The following PCDHA4 variants were observed in gnomAD, a reference collection of about 807,000 sequenced individuals.
The protein encoded by PCDHA4 is protocadherin alpha-4.
A neutral mutation model predicts 61.4 loss-of-function variants in PCDHA4; 49 were observed. The ratio of observed to expected loss-of-function variants is 0.80; its 90% CI spans 0.63 to 1.01. PCDHA4 has a LOEUF of 1.01. Among genes scored for constraint, PCDHA4 ranks in the 50% least tolerant of loss-of-function variants. The probability of loss-of-function intolerance (pLI) is 0.00; values close to 1 mark genes in which losing one functional copy is unlikely to be tolerated. For missense variants in PCDHA4, 1,254 were observed against 1,235.8 expected (o/e 1.01, Z -0.22); for synonymous variants, 590 against 550.3 (o/e 1.07, Z -1.01).
At chr5:140,850,244 G>A (rs2150475347) in intron 1 of PCDHA4, 2 of 1,593,676 alleles carry the variant, frequency 1.3e-6, no homozygotes, top group East Asian at 2.2e-5. Flanking sequence ...TGGTGCTGCG[G>A]TCGGTGGGCG....
chr5:140,904,857 T>G (rs1223482596), intron 1 of PCDHA4, among the ~76,000 whole-genome samples: 1 of 152,190 alleles, frequency 6.6e-6, no homozygotes, highest in Non-Finnish European at 1.5e-5. Context: ...CTGAGAATTG[T>G]CTGTTTATGT....
intron 1 of PCDHA4, chr5:140,882,198 G>C (rs964999330): frequency 2.0e-6 from 3 of 1,525,466 alleles, no homozygotes; most frequent in African/African-American, 2.8e-5. Context: ...ATAAAAATTG[G>C]GCCTTGAGAG....
chr5:140,899,550 A>C (rs932403675), intron 1 of PCDHA4, among the ~76,000 whole-genome samples: 1 of 152,176 alleles, frequency 6.6e-6, no homozygotes, highest in Admixed American at 6.5e-5. Flanking sequence ...ATGGTGGATA[A>C]GCTTTTTGAT....
At chr5:140,968,017 C>A in intron 1 of PCDHA4, 1 of 1,614,216 alleles carries the variant, frequency 6.2e-7, no homozygotes, top group South Asian at 1.1e-5. Flanking sequence ...GCTTTGGAAA[C>A]TCCTATACAC....
chr5:140,984,389 A>T (rs1346769556), intron 3 of PCDHA4, among the ~76,000 whole-genome samples: 2 of 152,208 alleles, frequency 1.3e-5, no homozygotes, highest in African/African-American at 4.8e-5. Flanking sequence ...AGATTCAAAA[A>T]ATGTTGAGAA....
intron 1 of PCDHA4, among the ~76,000 whole-genome samples, chr5:140,915,719 T>A (rs545655335): frequency 6.6e-6 from 1 of 151,956 alleles, no homozygotes; most frequent in African/African-American, 2.4e-5. Flanking sequence ...GCCCCCACTT[T>A]GGATTGTGCT....
chr5:140,948,602 A>G (rs537329393), intron 1 of PCDHA4, among the ~76,000 whole-genome samples: 2 of 151,590 alleles, frequency 1.3e-5, no homozygotes, highest in Non-Finnish European at 3.0e-5. Context: ...AATTTATCAT[A>G]TTTTTGGCAC....
chr5:140,963,600 G>T (rs111244023), intron 1 of PCDHA4, among the ~76,000 whole-genome samples: 1 of 152,180 alleles, frequency 6.6e-6, no homozygotes, highest in Non-Finnish European at 1.5e-5. Context: ...AGTTCTAGAC[G>T]TAATTGGGAA....
At position 140,857,848 on chromosome 5, in the gene PCDHA4, T is replaced by C. The variant is rs781886791; in HGVS notation, c.2385+48276T>C. The C allele has an allele frequency of 1.4e-5, 23 of 1,597,666 alleles. No homozygotes were observed. The highest frequency in any genetic ancestry group is 1.9e-5 in the Non-Finnish European group (22 of 1,167,550). The stretch of plus-strand genomic sequence containing the variant: ...AGGTGCGCGCAGTGGACGCTGACTC[T>C]GGATACAACGCGTGGCTGTCGTATG... On this transcript the variant is annotated intron_variant, in intron 1 of 3. Coordinates refer to ENST00000530339, the MANE Select transcript of PCDHA4 (RefSeq NM_018907.4).
At chr5:140,939,894 T>A (rs1554213013) in intron 1 of PCDHA4, among the ~76,000 whole-genome samples, 1 of 152,220 alleles carries the variant, frequency 6.6e-6, no homozygotes, top group African/African-American at 2.4e-5. Flanking sequence ...TGTTCAAATA[T>A]TCTGCATTCT....
intron 1 of PCDHA4, chr5:140,853,345 C>G: frequency 4.1e-6 from 4 of 982,282 alleles, no homozygotes; most frequent in Middle Eastern, 5.3e-4. Flanking sequence ...CATTAGCAAA[C>G]ATGAACTCAC....
Position 141,009,767 on chromosome 5 carries a change from G to T in PCDHA4, c.2674G>T (p.Ala892Ser). ...PDKFIIPGSP[A>S]IISIRQEPTN... is the part of the protein sequence containing the mutation. Reference sequence around the variant, plus strand: ...CAAATTCATTATCCCAGGATCTCCTGCAATCATCTCCATCCGGCAGGAGCC... The same window carrying T: ...CAAATTCATTATCCCAGGATCTCCTTCAATCATCTCCATCCGGCAGGAGCC... The change falls in exon 4 of 4, where the codon GCA becomes TCA. Residue 892 changes from alanine to serine, a missense_variant. Coordinates refer to ENST00000530339, the MANE Select transcript of PCDHA4 (RefSeq NM_018907.4). 1 of 1,614,108 alleles carries T rather than the reference G, an allele frequency of 6.2e-7. No individual in the cohort carries two copies. Among genetic ancestry groups the T allele is most frequent in the South Asian group, 1.1e-5 (1 of 91,072 alleles).
chr5:140,928,288 C>T (rs541893248), intron 1 of PCDHA4: 37 of 1,614,156 alleles, frequency 2.3e-5, no homozygotes, highest in East Asian at 4.5e-5. Flanking sequence ...CTCTCTAGGC[C>T]GAGTGTTTGC....
At chr5:140,878,933 A>G (rs2057778648) in intron 1 of PCDHA4, among the ~76,000 whole-genome samples, 2 of 152,224 alleles carry the variant, frequency 1.3e-5, no homozygotes, top group Admixed American at 1.3e-4. Context: ...AATAATTTTA[A>G]ATAAATATAT....
chr5:140,891,122 G>T (rs572236105), intron 1 of PCDHA4, among the ~76,000 whole-genome samples: 1 of 152,256 alleles, frequency 6.6e-6, no homozygotes, highest in East Asian at 1.9e-4. Context: ...CAATCTAAAT[G>T]TCATTCCTTT....
chr5:140,808,501 G>A lies in PCDHA4; in HGVS notation c.1314G>A (p.Thr438=), dbSNP rs781840544. The change falls in exon 1 of 4, where the codon ACG becomes ACA. Residue 438 remains threonine, a synonymous_variant. Transcript: ENST00000530339. ...GGGGCTCGCCTTCGCTGTGGGCCAC[G>A]GCCAGTGTTTCTGTGGAGGTGGCTG... ...RDGGSPSLWA[T]ASVSVEVADV... 1.1e-5 allele frequency: 18 copies of A among 1,614,178 alleles called. No homozygotes were observed. Among genetic ancestry groups the A allele is most frequent in the Middle Eastern group, 1.7e-4 (1 of 6,000 alleles).
At chr5:140,900,032 A>G (rs1439772684) in intron 1 of PCDHA4, among the ~76,000 whole-genome samples, 1 of 151,930 alleles carries the variant, frequency 6.6e-6, no homozygotes, top group Non-Finnish European at 1.5e-5. Context: ...TTGGCCTTGA[A>G]TTCCTGGGCT....
At chr5:140,817,320 C>T (rs1331409789) in intron 1 of PCDHA4, 14 of 152,186 alleles carry the variant, frequency 9.2e-5, no homozygotes, top group Non-Finnish European at 1.5e-5. Context: ...GAAAAGTGCC[C>T]AGCTAGTTTT....
intron 1 of PCDHA4, among the ~76,000 whole-genome samples, chr5:140,818,943 AT>A (rs1554127580): frequency 6.6e-6 from 1 of 152,228 alleles, no homozygotes; most frequent in East Asian, 1.9e-4. Context: ...TGACATGAAC[AT>A]TGATATTCAC....
Sources: allele counts gnomAD v4.1 joint callset (sites outside exome capture counted in the v4.1 genomes callset), GRCh38; gene constraint gnomAD v4.1.1; transcripts MANE v1.5; gene names NCBI Gene and HGNC (gene_info 2026-07-23, HGNC 2026-07-21).